The following CFAP61 variants were observed in gnomAD, a reference collection of about 807,000 sequenced individuals.
CFAP61 encodes cilia and flagella associated protein 61.
A neutral mutation model predicts 135.6 loss-of-function variants in CFAP61; 107 were observed. The ratio of observed to expected loss-of-function variants is 0.79; its 90% CI spans 0.67 to 0.93. The LOEUF (loss-of-function observed/expected upper bound fraction) is 0.93. Ranked by LOEUF, CFAP61 falls within the 40% of genes least tolerant of loss-of-function variation. The pLI is 0.00. For missense variants in CFAP61, 1,507 were observed against 1,556.2 expected, an observed-to-expected ratio of 0.97 and a Z score of 0.53; for synonymous variants, 575 against 578.5, an observed-to-expected ratio of 0.99 and a Z score of 0.09.
At chr20:20,327,797 A>AAAAAAAAAAAC (rs2057815385) in intron 25 of CFAP61, among the ~76,000 whole-genome samples, 1 of 70,120 alleles carries the variant, frequency 1.4e-5, no homozygotes, top group African/African-American at 7.2e-5. Context: ...AAAAAAAAAA[A>AAAAAAAAAAAC]AAAAAAAACA....
intron 21 of CFAP61, among the ~76,000 whole-genome samples, chr20:20,269,146 T>TATATACAC (rs1419572825): frequency 4.7e-5 from 4 of 85,598 alleles, no homozygotes; most frequent in African/African-American, 1.6e-4. Flanking sequence ...TATATATATA[T>TATATACAC]ACACACACAC....
intron 25 of CFAP61, chr20:20,323,283 C>T (rs1327188038): frequency 2.0e-6 from 2 of 985,292 alleles, no homozygotes; most frequent in Non-Finnish European, 2.4e-6. Context: ...AAAAGGACAA[C>T]AAACAACCCT....
intron 21 of CFAP61, among the ~76,000 whole-genome samples, chr20:20,264,422 G>A (rs773999379): frequency 3.3e-5 from 5 of 152,104 alleles, no homozygotes; most frequent in Non-Finnish European, 5.9e-5. Flanking sequence ...AGATTATACC[G>A]GCAACCCAGA....
At chr20:20,258,850 C>A (rs115422368) in intron 20 of CFAP61, among the ~76,000 whole-genome samples, 65 of 152,248 alleles carry the variant, frequency 4.3e-4, no homozygotes, top group Admixed American at 1.8e-3. Context: ...CATTGGCATC[C>A]CCATGTTGTA....
chr20:20,064,172 G>A (rs2045059539), intron 2 of CFAP61, among the ~76,000 whole-genome samples: 1 of 152,012 alleles, frequency 6.6e-6, no homozygotes, highest in African/African-American at 2.4e-5. Context: ...AAATGTAACG[G>A]CTTTTCCATC....
At chr20:20,290,717 G>T (rs2054940887) in intron 24 of CFAP61, among the ~76,000 whole-genome samples, 2 of 152,218 alleles carry the variant, frequency 1.3e-5, no homozygotes, top group Non-Finnish European at 2.9e-5. Flanking sequence ...TTGCTGCCAT[G>T]CTGTAGGGAC....
intron 26 of CFAP61, among the ~76,000 whole-genome samples, chr20:20,347,953 A>AAAG (rs2058693361): frequency 6.8e-6 from 1 of 147,766 alleles, no homozygotes; most frequent in Non-Finnish European, 1.5e-5. Flanking sequence ...AAAAAAAAAA[A>AAAG]TGAACAAACT....
chr20:20,056,633 C>A lies in CFAP61; in HGVS notation c.-21C>A. On this transcript the variant is annotated 5_prime_UTR_variant, in exon 2 of 27. Transcript: ENST00000245957. The stretch of plus-strand genomic sequence containing the variant: ...AGATTAATAGTGGACTTTTTTCTCT[C>A]TTTTGGGGACAGGATAAAAAATGTC... 1 of 1,611,692 alleles carries A rather than the reference C, an allele frequency of 6.2e-7. No individual in the cohort carries two copies.
At chr20:20,275,738 A>G (rs1039982817) in intron 21 of CFAP61, among the ~76,000 whole-genome samples, 3 of 152,258 alleles carry the variant, frequency 2.0e-5, no homozygotes, top group Non-Finnish European at 4.4e-5. Context: ...TCAAAAGGAC[A>G]GAAGACCTAA....
intron 2 of CFAP61, among the ~76,000 whole-genome samples, chr20:20,058,973 T>TA (rs2044580118): frequency 6.6e-6 from 1 of 152,186 alleles, no homozygotes; most frequent in Non-Finnish European, 1.5e-5. Flanking sequence ...GATATAAAAT[T>TA]AAACAATGAA....
At chr20:20,275,992 C>T (rs1488677454) in intron 21 of CFAP61, among the ~76,000 whole-genome samples, 1 of 152,216 alleles carries the variant, frequency 6.6e-6, no homozygotes, top group African/African-American at 2.4e-5. Context: ...AATGGAGAGA[C>T]CCCACTCCCT....
rs6075614 is a variant in CFAP61, at chr20:20,098,716, A to G, written c.761A>G (p.His254Arg). 220,740 of 1,613,388 alleles carry G rather than the reference A, an allele frequency of 0.14. 16,491 individuals carry two copies. The highest frequency in any genetic ancestry group is 0.15 in the Non-Finnish European group (181,401 of 1,179,734). Residue 254 changes from histidine to arginine, a missense_variant, in exon 8 of 27, where the codon CAT becomes CGT. His to Arg is a conservative substitution (Grantham distance 29). Coordinates refer to ENST00000245957, the MANE Select transcript of CFAP61 (RefSeq NM_015585.4). ...VCSRVNMQLL[H>R]ECFDLGPFHG... is the part of the protein sequence containing the mutation. ...TCAAGAGTGAACATGCAACTGCTGCATGAGTGCTTTGACTTGGGCCCTTTC... is the reference window on the plus strand; with the variant it reads ...TCAAGAGTGAACATGCAACTGCTGCGTGAGTGCTTTGACTTGGGCCCTTTC...
chr20:20,213,168 C>G (rs967176863), intron 17 of CFAP61, among the ~76,000 whole-genome samples: 1 of 152,234 alleles, frequency 6.6e-6, no homozygotes, highest in Admixed American at 6.5e-5. Flanking sequence ...AGCCCCTCCT[C>G]TGAAAGACAC....
chr20:20,147,652 GGT>G (rs1220776259), intron 9 of CFAP61, among the ~76,000 whole-genome samples: 1 of 152,042 alleles, frequency 6.6e-6, no homozygotes, highest in Non-Finnish European at 1.5e-5. Context: ...TCCTTTGTTG[GGT>G]ACATAGTTTG....
chr20:20,287,173 G>A (rs1267135671), intron 22 of CFAP61, among the ~76,000 whole-genome samples: 1 of 152,066 alleles, frequency 6.6e-6, no homozygotes, highest in Non-Finnish European at 1.5e-5. Flanking sequence ...TGGCCACTGG[G>A]TAAGAGTTAT....
Position 20,067,633 on chromosome 20 carries a change from C to T in CFAP61, c.144-3221C>T, listed in dbSNP as rs1000660845. Among the ~76,000 whole-genome samples the T allele has an allele frequency of 3.0e-5, 4 of 134,862 alleles. No homozygotes were observed. In the East Asian group the frequency reaches 6.7e-4, roughly 23 times the overall value. 88.5% of individuals were successfully genotyped at this position (134,862 alleles called of 152,430 possible). A position where few individuals can be genotyped will look rare whatever the true frequency, so the allele number is the denominator to read the frequency against. On this transcript the variant is annotated intron_variant, in intron 2 of 26. Coordinates refer to ENST00000245957, the MANE Select transcript of CFAP61 (RefSeq NM_015585.4). ...CTCCAGGCTGGGTGACACAGCGAGA[C>T]TCCATCTCAAAATATATATATATAT...
chr20:20,098,737 C>G lies in CFAP61; in HGVS notation c.782C>G (p.Pro261Arg), dbSNP rs746693168. The G allele has an allele frequency of 7.4e-6, 12 of 1,614,020 alleles. No homozygotes were observed. In the South Asian group the frequency reaches 9.9e-5, roughly 13 times the overall value. The change falls in exon 8 of 27, where the codon CCT becomes CGT. Residue 261 changes from proline to arginine, a missense_variant. Transcript: ENST00000245957. ...QLLHECFDLGPFHGLCFPHPD... is the reference protein window; with the variant it reads ...QLLHECFDLGRFHGLCFPHPD... ...CTGCATGAGTGCTTTGACTTGGGCCCTTTCCACGGACTCTGTTTCCCACAT... is the reference window on the plus strand; with the variant it reads ...CTGCATGAGTGCTTTGACTTGGGCCGTTTCCACGGACTCTGTTTCCCACAT...
chr20:20,129,410 A>G (rs567788806), intron 8 of CFAP61, among the ~76,000 whole-genome samples: 1 of 151,846 alleles, frequency 6.6e-6, no homozygotes, highest in African/African-American at 2.4e-5. Context: ...CCTGCCCTGT[A>G]TGGTTTCTGT....
chr20:20,196,475 C>G (rs1402166402), intron 15 of CFAP61, 95 bp from the exon 16 acceptor site: 4 of 907,072 alleles, frequency 4.4e-6, no homozygotes, highest in Non-Finnish European at 7.1e-6. Flanking sequence ...TTCTTACTAT[C>G]ATACCTAAAG....
Sources: gnomAD v4.1 joint callset for allele counts (sites outside exome capture counted in the v4.1 genomes callset) on GRCh38, gnomAD v4.1.1 for gene constraint, MANE v1.5 for transcripts, NCBI Gene and HGNC (gene_info 2026-07-23, HGNC 2026-07-21) for gene names.